Variants in EIF3H observed in about 807,000 individuals in gnomAD.
EIF3H encodes the protein eukaryotic translation initiation factor 3 subunit H, also known as eIF-3-gamma.
In EIF3H, 26 loss-of-function variants were observed where a neutral mutation model predicts 44.2. The observed-to-expected ratio is 0.59, with a 90% CI of 0.43 to 0.82. The LOEUF (loss-of-function observed/expected upper bound fraction) is 0.82, where lower values mean the gene tolerates loss of function less well. Among genes scored for constraint, EIF3H ranks in the 40% least tolerant of loss-of-function variants. The pLI is 0.00. For missense variants in EIF3H, 359 were observed against 432.8 expected, an observed-to-expected ratio of 0.83 and a Z score of 1.51; for synonymous variants, 166 against 151.9, an observed-to-expected ratio of 1.09 and a Z score of -0.68.
intron 2 of EIF3H, among the ~76,000 whole-genome samples, chr8:116,661,126 T>G (rs1017702741): frequency 1.3e-5 from 2 of 152,230 alleles, no homozygotes; most frequent in African/African-American, 4.8e-5. Flanking sequence ...GTTTCGAAAT[T>G]CCATAATTCT....
intron 1 of EIF3H, among the ~76,000 whole-genome samples, chr8:116,751,819 A>G (rs1482351032): frequency 2.6e-5 from 4 of 152,240 alleles, no homozygotes; most frequent in Non-Finnish European, 4.4e-5. Context: ...AGTTATTGAC[A>G]TATATTCAAT....
At chr8:116,680,068 A>G (rs1813948910) in intron 2 of EIF3H, among the ~76,000 whole-genome samples, 1 of 35,258 alleles carries the variant, frequency 2.8e-5, no homozygotes, top group African/African-American at 9.8e-5. Flanking sequence ...CCTGTCCAGG[A>G]GGGAGGTGGG....
chr8:116,747,384 T>C (rs945217306), intron 1 of EIF3H, among the ~76,000 whole-genome samples: 3 of 152,160 alleles, frequency 2.0e-5, no homozygotes, highest in Non-Finnish European at 4.4e-5. Flanking sequence ...ATGATAATAC[T>C]ATGCCATCAA....
chr8:116,679,855 A>G (rs1176795661), intron 2 of EIF3H, among the ~76,000 whole-genome samples: 1 of 4,276 alleles, frequency 2.3e-4, no homozygotes, highest in Admixed American at 1.1e-3. Flanking sequence ...TCCGGGAGGG[A>G]GGTGGGGGGG....
chr8:116,730,451 AC>A (rs1814932469), intron 1 of EIF3H, among the ~76,000 whole-genome samples: 1 of 151,890 alleles, frequency 6.6e-6, no homozygotes, highest in African/African-American at 2.4e-5. Context: ...CATCCCCGCA[AC>A]CCCCCACGTG....
At chr8:116,674,625 G>A (rs1225516035) in intron 2 of EIF3H, among the ~76,000 whole-genome samples, 3 of 152,156 alleles carry the variant, frequency 2.0e-5, no homozygotes, top group Non-Finnish European at 2.9e-5. Context: ...GATCAACTAC[G>A]AGCCTGAATA....
At chr8:116,728,135 T>C (rs1023642439) in intron 1 of EIF3H, among the ~76,000 whole-genome samples, 3 of 152,116 alleles carry the variant, frequency 2.0e-5, no homozygotes, top group Non-Finnish European at 1.5e-5. Context: ...ACACGACCAA[T>C]AAACCAATTA....
At chr8:116,671,400 T>C (rs1465137517) in intron 2 of EIF3H, among the ~76,000 whole-genome samples, 1 of 152,152 alleles carries the variant, frequency 6.6e-6, no homozygotes, top group African/African-American at 2.4e-5. Flanking sequence ...CCAGGTAATA[T>C]CATCTTAACA....
chr8:116,703,149 T>C (rs971474418), intron 2 of EIF3H, among the ~76,000 whole-genome samples: 1 of 152,254 alleles, frequency 6.6e-6, no homozygotes, highest in African/African-American at 2.4e-5. Flanking sequence ...CTACTAATTA[T>C]TAGTTTATGG....
At chr8:116,748,021 G>C (rs1032497699) in intron 1 of EIF3H, among the ~76,000 whole-genome samples, 2 of 152,070 alleles carry the variant, frequency 1.3e-5, no homozygotes, top group African/African-American at 4.8e-5. Context: ...TGAGACACGA[G>C]AATCGCTTGA....
At chr8:116,722,876 CTT>C (rs1050249316) in intron 2 of EIF3H, among the ~76,000 whole-genome samples, 1 of 152,024 alleles carries the variant, frequency 6.6e-6, no homozygotes, top group Admixed American at 6.6e-5. Flanking sequence ...CCATGTGAAA[CTT>C]TTGAAATAAA....
At chr8:116,668,121 T>C (rs994809293) in intron 2 of EIF3H, among the ~76,000 whole-genome samples, 7 of 152,236 alleles carry the variant, frequency 4.6e-5, no homozygotes, top group Non-Finnish European at 1.0e-4. Context: ...CGGGTTATAA[T>C]AGTCAACTAC....
At chr8:116,740,521 G>A (rs896818489) in intron 1 of EIF3H, among the ~76,000 whole-genome samples, 30 of 151,984 alleles carry the variant, frequency 2.0e-4, no homozygotes, top group African/African-American at 7.3e-4. Flanking sequence ...CAGCAGCAGG[G>A]CCCACTTTGA....
intron 2 of EIF3H, among the ~76,000 whole-genome samples, chr8:116,662,050 A>G (rs1813594184): frequency 6.6e-6 from 1 of 152,208 alleles, no homozygotes; most frequent in Non-Finnish European, 1.5e-5. Context: ...TTTTGGACAC[A>G]TTTGTAAGTC....
intron 5 of EIF3H, among the ~76,000 whole-genome samples, chr8:116,654,653 C>T (rs1051405462): frequency 1.3e-5 from 2 of 152,152 alleles, no homozygotes; most frequent in African/African-American, 4.8e-5. Flanking sequence ...TGTTTGCAGT[C>T]AAACAGTATG....
intron 2 of EIF3H, among the ~76,000 whole-genome samples, chr8:116,719,418 TGAAAAA>T (rs896309250): frequency 6.6e-6 from 1 of 151,514 alleles, no homozygotes; most frequent in Non-Finnish European, 1.5e-5. Flanking sequence ...TAATCTGAGA[TGAAAAA>T]GAAAGAGTGG....
chr8:116,720,029 A>G (rs1053602132), intron 2 of EIF3H, among the ~76,000 whole-genome samples: 4 of 152,192 alleles, frequency 2.6e-5, no homozygotes, highest in Admixed American at 6.5e-5. Context: ...ATGATTTCTG[A>G]TAAGTTATTT....
intron 2 of EIF3H, among the ~76,000 whole-genome samples, chr8:116,705,890 A>G (rs903747360): frequency 6.6e-6 from 1 of 152,046 alleles, no homozygotes; most frequent in Non-Finnish European, 1.5e-5. Flanking sequence ...TGAAGGATAT[A>G]GGGGAACTCT....
rs1292780203 is a variant in EIF3H, at chr8:116,752,839, GAGAAA to G, written c.132+2822_132+2826del. 8.5e-5 allele frequency among the ~76,000 whole-genome samples: 11 copies of G among 129,538 alleles called. No individual in the cohort carries two copies. In the East Asian group the frequency reaches 2.2e-3, roughly 26 times the overall value. 85.0% of individuals were successfully genotyped at this position (129,538 alleles called of 152,430 possible). On this transcript the variant is annotated intron_variant, in intron 1 of 7. Transcript: ENST00000521861. ...AAGGAAGGAAGGAAGGAAAGAGAGA[GAGAAA>G]AGAAAAGAAAAAAGAGAGAGAGAAG...
Sources: allele counts gnomAD v4.1 joint callset (sites outside exome capture counted in the v4.1 genomes callset), GRCh38; gene constraint gnomAD v4.1.1; transcripts MANE v1.5; gene names NCBI Gene and HGNC (gene_info 2026-07-23, HGNC 2026-07-21).